Variants in GOLM2 observed in about 807,000 individuals in gnomAD.
GOLM2 encodes the protein golgi membrane protein 2, also known as protein GOLM2.
In GOLM2, 26 loss-of-function variants were observed where a neutral mutation model predicts 55.9. The ratio of observed to expected loss-of-function variants is 0.47; its 90% CI spans 0.34 to 0.65. GOLM2 has a LOEUF of 0.65. GOLM2 is among the 30% of genes least tolerant of loss of function. The pLI is 0.01. For missense variants in GOLM2, 486 were observed against 531.8 expected (o/e 0.91, Z 0.85); for synonymous variants, 165 against 194.6 (o/e 0.85, Z 1.27).
At chr15:44,400,627 A>G (rs1348085656) in intron 8 of GOLM2, among the ~76,000 whole-genome samples, 6 of 117,764 alleles carry the variant, frequency 5.1e-5, no homozygotes, top group Non-Finnish European at 9.6e-5. Flanking sequence ...CCCAGGCTGG[A>G]GTACAGTGGC....
At chr15:44,378,345 G>A (rs148165456) in intron 6 of GOLM2, among the ~76,000 whole-genome samples, 2,834 of 149,466 alleles carry the variant, frequency 0.019, 96 homozygotes, top group African/African-American at 0.067. Context: ...GTGAGCCACC[G>A]CGCCAGGACT....
chr15:44,367,649 G>A lies in GOLM2; in HGVS notation c.803-12041G>A, dbSNP rs545400532. 1.9e-4 allele frequency among the ~76,000 whole-genome samples: 29 copies of A among 152,170 alleles called. 2 individuals are homozygous for A. Among genetic ancestry groups the A allele is most frequent in the African/African-American group, 7.0e-4 (29 of 41,538 alleles). On this transcript the variant is annotated intron_variant, in intron 6 of 9. Coordinates refer to ENST00000299957, the MANE Select transcript of GOLM2 (RefSeq NM_138423.4). ...ATCTCTACTAAAAATACAAAAATTA[G>A]TTGGGCCTGGTGGCGTGGGCCTGCA...
intron 1 of GOLM2, among the ~76,000 whole-genome samples, chr15:44,291,996 A>T (rs920483586): frequency 6.6e-6 from 1 of 152,118 alleles, no homozygotes; most frequent in South Asian, 2.1e-4. Context: ...TTATTTGATC[A>T]CAGGTTACTA....
chr15:44,289,389 G>T lies in GOLM2; in HGVS notation c.327+33G>T. 6.4e-7 allele frequency: 1 copy of T among 1,563,562 alleles called. No homozygotes were observed. Among genetic ancestry groups the T allele is most frequent in the South Asian group, 1.2e-5 (1 of 86,040 alleles). ...CGACCCTTTTCTCTTCAAACCCCAT[G>T]GTTTCTTTTCTCCCCGGGGTCTGGG... On this transcript the variant is annotated intron_variant, in intron 1 of 9. Transcript: ENST00000299957. The surrounding 1 kb of genome is among the most constrained non-coding windows in gnomAD (Gnocchi z 4.8).
intron 6 of GOLM2, chr15:44,348,898 C>T: frequency 6.6e-6 from 1 of 150,806 alleles, no homozygotes; most frequent in Non-Finnish European, 1.5e-5. Context: ...AAGACCTTGT[C>T]TCAAAAAAAG....
intron 6 of GOLM2, among the ~76,000 whole-genome samples, chr15:44,378,935 T>G (rs1268250051): frequency 6.6e-6 from 1 of 152,018 alleles, no homozygotes; most frequent in Non-Finnish European, 1.5e-5. Flanking sequence ...TTAGTAGAGA[T>G]GGGGTTTCAC....
chr15:44,365,635 G>T (rs2079278446), intron 6 of GOLM2, among the ~76,000 whole-genome samples: 2 of 152,314 alleles, frequency 1.3e-5, no homozygotes, highest in South Asian at 4.1e-4. Context: ...AGGAAAAACT[G>T]TGGAGACACT....
In GOLM2 at chr15:44,379,682, T is replaced by C; in HGVS notation, c.803-8T>C. On this transcript the variant is annotated splice_region_variant and splice_polypyrimidine_tract_variant and intron_variant, in intron 6 of 9. Coordinates refer to ENST00000299957, the MANE Select transcript of GOLM2 (RefSeq NM_138423.4). ...GGGAATAATATGGATTTATTTTTTT[T>C]CTTCTAGCTTTAAGGAAGCCTCCTA... 6.7e-7 allele frequency: 1 copy of C among 1,496,754 alleles called. No homozygotes were observed. Among genetic ancestry groups the C allele is most frequent in the South Asian group, 1.2e-5 (1 of 86,762 alleles). The allele number at this position is 1,496,754 out of a possible 1,614,324, so 92.7% of individuals were successfully genotyped here.
rs1005661231 is a variant in GOLM2, at chr15:44,315,556, A to G, written c.328-7409A>G. 4.6e-5 allele frequency among the ~76,000 whole-genome samples: 7 copies of G among 152,276 alleles called. No individual in the cohort carries two copies. In the East Asian group the frequency reaches 1.4e-3, roughly 29 times the overall value. On this transcript the variant is annotated intron_variant, in intron 1 of 9. Coordinates refer to ENST00000299957, the MANE Select transcript of GOLM2 (RefSeq NM_138423.4). ...TTTTGATATTGCAGGAAGAAAGATT[A>G]AGGGAAAATAAATGAAGTAGCTGGG... is the stretch of plus-strand genomic sequence containing the variant.
intron 1 of GOLM2, among the ~76,000 whole-genome samples, chr15:44,309,661 G>A (rs1418966249): frequency 6.6e-6 from 1 of 152,138 alleles, no homozygotes; most frequent in Non-Finnish European, 1.5e-5. Flanking sequence ...AATAGCTAAT[G>A]TTTATTAAGC....
rs150916692 is a variant in GOLM2, at chr15:44,357,095, C to T, written c.802+18778C>T. Among the ~76,000 whole-genome samples the T allele has an allele frequency of 5.1e-4, 78 of 151,950 alleles. No homozygotes were observed. The East Asian group carries it at 0.014, about 26-fold the overall frequency. The stretch of plus-strand genomic sequence containing the variant: ...GTTGAGATGGGAGGATTGCTTGAGC[C>T]CAGGAGATGGAGGCTGCAGTAAGCC... On this transcript the variant is annotated intron_variant, in intron 6 of 9. Coordinates refer to ENST00000299957, the MANE Select transcript of GOLM2 (RefSeq NM_138423.4).
intron 1 of GOLM2, among the ~76,000 whole-genome samples, chr15:44,292,725 A>G (rs1267445162): frequency 5.9e-5 from 9 of 152,156 alleles, no homozygotes; most frequent in Admixed American, 5.9e-4. Context: ...CTTGGGGTTA[A>G]TGAGGACTCT....
chr15:44,332,132 AT>A, intron 4 of GOLM2, 54 bp downstream of exon 4: 1 of 913,054 alleles, frequency 1.1e-6, no homozygotes, highest in Non-Finnish European at 1.7e-6. Flanking sequence ...AATCATGGTA[AT>A]TTAGAAATTA....
chr15:44,392,516 A>C lies in GOLM2; in HGVS notation c.1073-10371A>C, dbSNP rs530442329. ...TGCGCACATATAGTACCAGCTACTT[A>C]GGAGGCTGAGGCTGGAGAATCGCTT... On this transcript the variant is annotated intron_variant, in intron 8 of 9. Transcript: ENST00000299957. Among the ~76,000 whole-genome samples, 5 of 151,862 alleles carry C rather than the reference A, an allele frequency of 3.3e-5. No homozygotes were observed. The South Asian group carries it at 1.0e-3, about 32-fold the overall frequency.
At chr15:44,314,854 G>A (rs2078898293) in intron 1 of GOLM2, among the ~76,000 whole-genome samples, 1 of 152,176 alleles carries the variant, frequency 6.6e-6, no homozygotes, top group African/African-American at 2.4e-5. Context: ...GTGAAATGGG[G>A]AAAAATAACT....
intron 1 of GOLM2, among the ~76,000 whole-genome samples, chr15:44,312,206 A>C (rs1005063919): frequency 2.6e-5 from 4 of 152,124 alleles, no homozygotes; most frequent in African/African-American, 9.7e-5. Context: ...TGCCAATTTC[A>C]AGCACAGCTG....
At chr15:44,325,569 C>G (rs759280282) in intron 2 of GOLM2, among the ~76,000 whole-genome samples, 1 of 152,050 alleles carries the variant, frequency 6.6e-6, no homozygotes, top group African/African-American at 2.4e-5. Context: ...CCCTTTTTCC[C>G]GAGGAGAATG....
chr15:44,289,406 G>C lies in GOLM2; in HGVS notation c.327+50G>C. The C allele has an allele frequency of 1.3e-6, 2 of 1,513,896 alleles. No individual in the cohort carries two copies. The highest frequency in any genetic ancestry group is 1.8e-6 in the Non-Finnish European group (2 of 1,121,428). The allele number at this position is 1,513,896 out of a possible 1,614,324, so 93.8% of individuals were successfully genotyped here. A position where few individuals can be genotyped will look rare whatever the true frequency, so the allele number is the denominator to read the frequency against. ...AACCCCATGGTTTCTTTTCTCCCCG[G>C]GGTCTGGGGCGGGATGTTAATCCGC... On this transcript the variant is annotated intron_variant, in intron 1 of 9. Coordinates refer to ENST00000299957, the MANE Select transcript of GOLM2 (RefSeq NM_138423.4). This position sits in a 1 kb window ranked among gnomAD's most constrained non-coding sequence, Gnocchi z 4.8.
chr15:44,320,648 CG>C (rs200396843), intron 1 of GOLM2, among the ~76,000 whole-genome samples: 1 of 151,972 alleles, frequency 6.6e-6, no homozygotes, highest in Non-Finnish European at 1.5e-5. Flanking sequence ...ACCCAGGACT[CG>C]GGGGGGTGAA....
Sources: allele counts gnomAD v4.1 joint callset (sites outside exome capture counted in the v4.1 genomes callset), GRCh38; gene constraint gnomAD v4.1.1; non-coding constraint Gnocchi (gnomAD v3.1); transcripts MANE v1.5; gene names NCBI Gene and HGNC (gene_info 2026-07-23, HGNC 2026-07-21).